LIPI: variants seen among roughly 807,000 people sequenced by gnomAD.
The protein encoded by LIPI is lipase I.
In LIPI, 59 loss-of-function variants were observed where a neutral mutation model predicts 50.6. The observed-to-expected ratio is 1.16, with a 90% confidence interval of 0.94 to 1.45. The LOEUF is 1.45. LIPI is among the 40% of genes most tolerant of loss of function. The pLI is 0.00. For synonymous variants in LIPI, 203 were observed against 178.2 expected (o/e 1.14, Z -1.11); for missense variants, 586 against 536.3 (o/e 1.09, Z -0.92).
chr21:14,176,912 A>T (rs1372054129), intron 4 of LIPI, among the ~76,000 whole-genome samples: 2 of 152,050 alleles, frequency 1.3e-5, no homozygotes, highest in Non-Finnish European at 2.9e-5. Context: ...TACATTAGGT[A>T]TATCGAAATG....
intron 9 of LIPI, among the ~76,000 whole-genome samples, chr21:14,137,849 A>T (rs7283799): frequency 0.67 from 101,282 of 151,860 alleles, 34,029 homozygotes; most frequent in East Asian, 0.94. Flanking sequence ...AAAAAAAGGG[A>T]CCTAAGAGCA....
In LIPI at chr21:14,189,117, C is replaced by T. The variant is rs1458370273; in HGVS notation, c.349G>A (p.Ala117Thr). 6.2e-7 allele frequency: 1 copy of T among 1,613,534 alleles called. No individual in the cohort carries two copies. The highest frequency in any genetic ancestry group is 1.1e-5 in the South Asian group (1 of 91,080). ...GCTCTATTATAAATAAAAGTTGTAG[C>T]ACCCCGGCTCCAGTCTACTACAATT... ...NVIVVDWSRGATTFIYNRAVK... is the reference protein window; with the variant it reads ...NVIVVDWSRGTTTFIYNRAVK... The change falls in exon 2 of 10, where the codon GCT becomes ACT. Residue 117 changes from alanine (A) to threonine (T), a missense_variant. Physicochemically the swap from Ala to Thr is moderately conservative, Grantham distance 58. Transcript: ENST00000681601.
chr21:14,131,027 T>C (rs1045544579), intron 9 of LIPI, among the ~76,000 whole-genome samples: 1 of 152,224 alleles, frequency 6.6e-6, no homozygotes, highest in Non-Finnish European at 1.5e-5. Context: ...CTCAGCTCAC[T>C]GCAAGCTCTG....
At chr21:14,130,501 A>G (rs1489939895) in intron 9 of LIPI, among the ~76,000 whole-genome samples, 1 of 152,196 alleles carries the variant, frequency 6.6e-6, no homozygotes, top group Non-Finnish European at 1.5e-5. Flanking sequence ...AATACCCACT[A>G]CCATGCTATG....
chr21:14,139,465 C>T (rs1486786196), intron 9 of LIPI, among the ~76,000 whole-genome samples: 1 of 152,040 alleles, frequency 6.6e-6, no homozygotes, highest in African/African-American at 2.4e-5. Flanking sequence ...TTTATTTCTG[C>T]ATTTATTCAT....
At chr21:14,143,587 A>C (rs2017792323) in intron 9 of LIPI, 1 of 152,172 alleles carries the variant, frequency 6.6e-6, no homozygotes, top group African/African-American at 2.4e-5. Context: ...CATAAAGAGA[A>C]ATAAAGAGGA....
chr21:14,185,032 A>T (rs1343476018), intron 3 of LIPI, among the ~76,000 whole-genome samples: 1 of 152,212 alleles, frequency 6.6e-6, no homozygotes, highest in East Asian at 1.9e-4. Context: ...CTATGGCCAT[A>T]GATATGAATA....
chr21:14,209,193 G>A (rs2020302085), intron 1 of LIPI, among the ~76,000 whole-genome samples: 2 of 152,114 alleles, frequency 1.3e-5, no homozygotes, highest in South Asian at 4.1e-4. Context: ...ATACATAGAT[G>A]TACTGTATAT....
chr21:14,108,821 G>T lies in LIPI; in HGVS notation c.*172C>A. 2 of 678,454 alleles carry T rather than the reference G, an allele frequency of 2.9e-6. No individual in the cohort carries two copies. Among genetic ancestry groups the T allele is most frequent in the South Asian group, 1.9e-5 (1 of 51,672 alleles). The allele number at this position is 678,454 out of a possible 1,614,324, so 42.0% of individuals were successfully genotyped here. A position where few individuals can be genotyped will look rare whatever the true frequency, so the allele number is the denominator to read the frequency against. ...ACAACTTTCAGAATATATTTGGAAT[G>T]TTTAACTGTATGCATTTTTTATTTT... On this transcript the variant is annotated 3_prime_UTR_variant, in exon 10 of 10. Transcript: ENST00000681601.
At chr21:14,194,558 C>G (rs2019779827) in intron 1 of LIPI, among the ~76,000 whole-genome samples, 1 of 151,704 alleles carries the variant, frequency 6.6e-6, no homozygotes, top group Non-Finnish European at 1.5e-5. Flanking sequence ...AGGACAAATA[C>G]CATATGATTC....
At chr21:14,198,466 CA>C (rs1202056747) in intron 1 of LIPI, among the ~76,000 whole-genome samples, 1 of 151,998 alleles carries the variant, frequency 6.6e-6, no homozygotes, top group Non-Finnish European at 1.5e-5. Flanking sequence ...ATAGGGGTTG[CA>C]ATCCTAGTTT....
intron 1 of LIPI, chr21:14,206,747 T>C (rs989386418): frequency 3.3e-6 from 3 of 898,954 alleles, no homozygotes; most frequent in Non-Finnish European, 5.4e-6. Context: ...GCAAGCCCAG[T>C]GTTGTTTTAT....
intron 4 of LIPI, among the ~76,000 whole-genome samples, chr21:14,170,935 G>T (rs1278614837): frequency 6.6e-6 from 1 of 151,738 alleles, no homozygotes; most frequent in Admixed American, 6.6e-5. Context: ...GTACCTGTTT[G>T]CAGATGACAT....
intron 6 of LIPI, 52 bp from the exon 7 acceptor site, chr21:14,163,575 A>C (rs2018571363): frequency 1.2e-6 from 1 of 869,556 alleles, no homozygotes; most frequent in East Asian, 2.4e-5. Context: ...CAAATAACAA[A>C]AATGTCAAAT....
chr21:14,130,911 CA>C (rs1405842850), intron 9 of LIPI, among the ~76,000 whole-genome samples: 1 of 152,172 alleles, frequency 6.6e-6, no homozygotes, highest in Non-Finnish European at 1.5e-5. Flanking sequence ...CCTTCCCACA[CA>C]GCTGGCTCAC....
rs2020238347 is a variant in LIPI at position 14,206,802 on chromosome 21, TA to T, written c.46+3997del. The T allele has an allele frequency of 2.0e-6, 3 of 1,484,988 alleles. No homozygotes were observed. The East Asian group carries it at 6.8e-5, about 34-fold the overall frequency. The allele number at this position is 1,484,988 out of a possible 1,614,324, so 92.0% of individuals were successfully genotyped here. A position where few individuals can be genotyped will look rare whatever the true frequency, so the allele number is the denominator to read the frequency against. ...ATTTTATATATGAAGAAAGTGAAGT[TA>T]AAAGAGATTACCTGATCTCAGGCAC... On this transcript the variant is annotated intron_variant, in intron 1 of 9. Coordinates refer to ENST00000681601, the MANE Select transcript of LIPI (RefSeq NM_001302998.2).
intron 9 of LIPI, among the ~76,000 whole-genome samples, chr21:14,124,173 G>T: frequency 6.6e-6 from 1 of 152,180 alleles, no homozygotes; most frequent in Middle Eastern, 3.4e-3. Flanking sequence ...ATAGTGGACC[G>T]AAAAACTACC....
chr21:14,193,431 A>ACC (rs563460558), intron 1 of LIPI, among the ~76,000 whole-genome samples: 6 of 151,892 alleles, frequency 4.0e-5, no homozygotes, highest in African/African-American at 7.3e-5. Flanking sequence ...AGACTAAACA[A>ACC]CCCCCCCAAC....
chr21:14,181,492 T>A (rs1043096584), intron 4 of LIPI, among the ~76,000 whole-genome samples: 7 of 152,040 alleles, frequency 4.6e-5, no homozygotes, highest in African/African-American at 1.7e-4. Context: ...CAGAATGAAC[T>A]CTTAGTTATC....
Sources: gnomAD v4.1 joint callset for allele counts (sites outside exome capture counted in the v4.1 genomes callset) on GRCh38, gnomAD v4.1.1 for gene constraint, MANE v1.5 for transcripts, NCBI Gene and HGNC (gene_info 2026-07-23, HGNC 2026-07-21) for gene names.